The following LOXHD1 variants were observed in gnomAD, a reference collection of about 807,000 sequenced individuals.
The protein encoded by LOXHD1 is lipoxygenase homology domain-containing protein 1.
LOXHD1 carries 205 observed loss-of-function variants against 248.2 expected under a neutral mutation model. The ratio of observed to expected loss-of-function variants is 0.83; its 90% CI spans 0.74 to 0.93. The LOEUF is 0.93. LOXHD1 is among the 40% of genes least tolerant of loss of function. The pLI is 0.00. For missense variants in LOXHD1, 2,930 were observed against 2,971.6 expected (o/e 0.99, Z 0.33); for synonymous variants, 1,113 against 1,162.8 (o/e 0.96, Z 0.87).
chr18:46,631,675 A>G (rs1599063136), intron 4 of LOXHD1, among the ~76,000 whole-genome samples: 1 of 152,310 alleles, frequency 6.6e-6, no homozygotes, highest in East Asian at 1.9e-4. Context: ...GCAGTTTCCT[A>G]TATCACCAAC....
At chr18:46,576,194 A>G (rs2037850713) in intron 14 of LOXHD1, among the ~76,000 whole-genome samples, 1 of 152,232 alleles carries the variant, frequency 6.6e-6, no homozygotes, top group Non-Finnish European at 1.5e-5. Context: ...TATAGTAGGT[A>G]TAAATATATT....
chr18:46,556,102 A>G (rs2037319202), intron 21 of LOXHD1, among the ~76,000 whole-genome samples: 1 of 151,100 alleles, frequency 6.6e-6, no homozygotes, highest in Non-Finnish European at 1.5e-5. Context: ...CTGAAATTTG[A>G]AATTCATATA....
rs886053841 is a variant in LOXHD1, at chr18:46,618,222, T to A, written c.580A>T (p.Ile194Phe). The change falls in exon 5 of 41, where the codon ATC (isoleucine) becomes TTC (phenylalanine). Residue 194 changes from isoleucine to phenylalanine, a missense_variant. Physicochemically the swap from Ile to Phe is conservative, Grantham distance 21. Coordinates refer to ENST00000642948, the MANE Select transcript of LOXHD1 (RefSeq NM_001384474.1). ...TCTCCATACTCTCCAAAAATATTGATGAAGACATCAGCATCTGTCCCTGCA... is the reference window on the plus strand; with the variant it reads ...TCTCCATACTCTCCAAAAATATTGAAGAAGACATCAGCATCTGTCCCTGCA... ...IGAGTDADVFINIFGEYGDTG... is the reference protein window; with the variant it reads ...IGAGTDADVFFNIFGEYGDTG... 9 of 1,551,360 alleles carry A rather than the reference T, an allele frequency of 5.8e-6. No individual in the cohort carries two copies. Among genetic ancestry groups the A allele is most frequent in the Non-Finnish European group, 7.8e-6 (9 of 1,146,802 alleles).
At chr18:46,548,109 C>T (rs767385469) in intron 21 of LOXHD1, among the ~76,000 whole-genome samples, 1 of 152,234 alleles carries the variant, frequency 6.6e-6, no homozygotes, top group Non-Finnish European at 1.5e-5. Context: ...CCTTCCCTTT[C>T]ATTCTCCTTG....
intron 21 of LOXHD1, 43 bp downstream of exon 21, chr18:46,557,313 C>T: frequency 1.9e-6 from 3 of 1,551,838 alleles, no homozygotes; most frequent in East Asian, 2.4e-5. Flanking sequence ...ACATGGCCTC[C>T]CTCAGAGCAA....
At chr18:46,652,974 A>G (rs1044377674) in intron 1 of LOXHD1, among the ~76,000 whole-genome samples, 1 of 152,208 alleles carries the variant, frequency 6.6e-6, no homozygotes, top group Non-Finnish European at 1.5e-5. Context: ...AGAACAGGCC[A>G]GGAGCAGTAG....
intron 29 of LOXHD1, among the ~76,000 whole-genome samples, chr18:46,528,159 T>C (rs966058965): frequency 6.6e-6 from 1 of 152,182 alleles, no homozygotes; most frequent in South Asian, 2.1e-4. Flanking sequence ...CATTGGCTGA[T>C]GTATGAAATC....
chr18:46,524,167 A>C (rs1193884643), intron 31 of LOXHD1, among the ~76,000 whole-genome samples: 1 of 152,080 alleles, frequency 6.6e-6, no homozygotes, highest in African/African-American at 2.4e-5. Flanking sequence ...ATCATGCCTT[A>C]AGTTTGCATG....
At chr18:46,596,014 G>A (rs2038251765) in intron 8 of LOXHD1, among the ~76,000 whole-genome samples, 1 of 152,090 alleles carries the variant, frequency 6.6e-6, no homozygotes, top group Non-Finnish European at 1.5e-5. Context: ...GGTTCTAGAA[G>A]GTTAAAGGTT....
Position 46,545,304 on chromosome 18 carries a change from ACTG to A in LOXHD1, c.3619+10_3619+12del. The stretch of plus-strand genomic sequence containing the variant: ...GAATGTGGGTGAATCTTGGCCCTGC[ACTG>A]CTTTCTTACCAGTGTCATCCTGTGT... On this transcript the variant is annotated intron_variant, in intron 23 of 40. Transcript: ENST00000642948. The A allele has an allele frequency of 6.5e-7, 1 of 1,539,352 alleles. No homozygotes were observed. The highest frequency in any genetic ancestry group is 8.8e-7 in the Non-Finnish European group (1 of 1,135,706).
chr18:46,509,524 G>A (rs1441719668), intron 35 of LOXHD1, 174 bp downstream of exon 35: 4 of 668,364 alleles, frequency 6.0e-6, no homozygotes, highest in African/African-American at 3.6e-5. Context: ...TAAATAAAAC[G>A]ACATTCTCTG....
intron 21 of LOXHD1, among the ~76,000 whole-genome samples, 190 bp from the exon 22 acceptor site, chr18:46,547,248 C>T (rs1295999749): frequency 6.6e-6 from 1 of 152,182 alleles, no homozygotes; most frequent in East Asian, 1.9e-4. Flanking sequence ...GGGTAGAGAA[C>T]AAACTTGGGG....
At chr18:46,622,327 A>G (rs1187271650) in intron 4 of LOXHD1, among the ~76,000 whole-genome samples, 1 of 152,262 alleles carries the variant, frequency 6.6e-6, no homozygotes, top group African/African-American at 2.4e-5. Context: ...GACTTTATTT[A>G]TGGACATTGC....
At chr18:46,547,995 G>C (rs1220819774) in intron 21 of LOXHD1, among the ~76,000 whole-genome samples, 1 of 152,186 alleles carries the variant, frequency 6.6e-6, no homozygotes, top group African/African-American at 2.4e-5. Context: ...ATAGGGTGTT[G>C]TGAGGATTAC....
intron 21 of LOXHD1, among the ~76,000 whole-genome samples, chr18:46,549,987 C>G (rs2037019031): frequency 1.3e-5 from 2 of 152,168 alleles, no homozygotes; most frequent in African/African-American, 4.8e-5. Flanking sequence ...TATTGCAGAT[C>G]TTAAAAATGC....
chr18:46,572,109 C>T lies in LOXHD1; in HGVS notation c.2024G>A (p.Ser675Asn). 1 of 1,551,870 alleles carries T rather than the reference C, an allele frequency of 6.4e-7. No homozygotes were observed. The highest frequency in any genetic ancestry group is 8.7e-7 in the Non-Finnish European group (1 of 1,147,038). ...DGQLVRELLP[S>N]DSSATLKNFR... ...ACTCTTCAGTGTCGCGCTGCTGTCA[C>T]TGGGTAGCAACTCTCGGACCAGCTG... Residue 675 changes from serine to asparagine, a missense_variant, in exon 15 of 41, where the codon AGT (serine) becomes AAT (asparagine). Transcript: ENST00000642948.
At chr18:46,611,147 C>T (rs1265974405) in intron 5 of LOXHD1, among the ~76,000 whole-genome samples, 1 of 152,172 alleles carries the variant, frequency 6.6e-6, no homozygotes, top group African/African-American at 2.4e-5. Flanking sequence ...TTGATTTCTG[C>T]CTTACTCTAG....
chr18:46,606,522 T>C (rs2038415970), intron 6 of LOXHD1, among the ~76,000 whole-genome samples: 1 of 152,184 alleles, frequency 6.6e-6, no homozygotes, highest in African/African-American at 2.4e-5. Flanking sequence ...TGTAAAAAAT[T>C]ATTGACTGAT....
chr18:46,479,175 A>C (rs1297924784), intron 40 of LOXHD1, among the ~76,000 whole-genome samples: 1 of 152,062 alleles, frequency 6.6e-6, no homozygotes, highest in African/African-American at 2.4e-5. Context: ...TGACTATTAA[A>C]TGTACGCTCC....
Sources: allele counts gnomAD v4.1 joint callset (sites outside exome capture counted in the v4.1 genomes callset), GRCh38; gene constraint gnomAD v4.1.1; transcripts MANE v1.5; gene names NCBI Gene and HGNC (gene_info 2026-07-23, HGNC 2026-07-21).